The following FSTL4 variants were observed in gnomAD, a reference collection of about 807,000 sequenced individuals.
FSTL4 encodes follistatin like 4.
Under a neutral mutation model 78.2 loss-of-function variants are expected in FSTL4, and 28 were observed. The ratio of observed to expected loss-of-function variants is 0.36; its 90% CI spans 0.27 to 0.49. The LOEUF is 0.49. Ranked by LOEUF, FSTL4 falls within the 20% of genes least tolerant of loss-of-function variation. FSTL4 has a pLI of 0.98. For missense variants in FSTL4, 922 were observed against 1,084.9 expected, an observed-to-expected ratio of 0.85 and a Z score of 2.11; for synonymous variants, 422 against 440.5, an observed-to-expected ratio of 0.96 and a Z score of 0.53.
At chr5:133,630,124 A>G in the FSTL4 span, among the ~76,000 whole-genome samples, 3 of 152,270 alleles carry the variant, frequency 2.0e-5, no homozygotes, top group African/African-American at 4.8e-5. Context: ...TCTATTCAAC[A>G]TAGTATCGGA....
chr5:133,751,435 A>G, the FSTL4 span, among the ~76,000 whole-genome samples: 509 of 152,324 alleles, frequency 3.3e-3, 5 homozygotes, highest in African/African-American at 0.011. Flanking sequence ...GGAAGTAAGA[A>G]CTGTTTCTTT....
the FSTL4 span, among the ~76,000 whole-genome samples, chr5:133,740,104 A>C: frequency 6.6e-6 from 1 of 152,128 alleles, no homozygotes; most frequent in Admixed American, 6.5e-5. Context: ...GCTGGTCTCA[A>C]GAGTCGTGCA....
intron 3 of FSTL4, among the ~76,000 whole-genome samples, chr5:133,457,572 G>T (rs1757516770): frequency 6.6e-6 from 1 of 152,238 alleles, no homozygotes; most frequent in African/African-American, 2.4e-5. Flanking sequence ...GGATGCGAGT[G>T]AGCTGTGAAG....
rs112092283 is a variant in FSTL4 at position 133,392,945 on chromosome 5, C to T, written c.409+7793G>A. 6.4e-4 allele frequency among the ~76,000 whole-genome samples: 97 copies of T among 152,330 alleles called. 1 individual carries two copies. The highest frequency in any genetic ancestry group is 2.2e-3 in the African/African-American group (91 of 41,574). ...CAAAGTACAGCAGTTCTGTGGAGCA[C>T]ACCACACATGCCGAACTGATAATAT... On this transcript the variant is annotated intron_variant, in intron 4 of 15. Transcript: ENST00000265342.
intron 3 of FSTL4, among the ~76,000 whole-genome samples, chr5:133,503,747 T>G (rs1014643472): frequency 6.6e-6 from 1 of 152,232 alleles, no homozygotes; most frequent in Non-Finnish European, 1.5e-5. Context: ...CAACAGCCTA[T>G]GTGCTCTCTC....
chr5:133,498,975 C>T (rs1436777090), intron 3 of FSTL4, among the ~76,000 whole-genome samples: 1 of 150,276 alleles, frequency 6.7e-6, no homozygotes, highest in Non-Finnish European at 1.5e-5. Context: ...CCAAAGGCCA[C>T]CATGTTTTCA....
intron 2 of FSTL4, among the ~76,000 whole-genome samples, chr5:133,592,517 A>C (rs147825333): frequency 1.3e-5 from 2 of 152,180 alleles, no homozygotes; most frequent in African/African-American, 4.8e-5. Context: ...GTTCCTAAGA[A>C]TTACTGGACA....
the FSTL4 span, among the ~76,000 whole-genome samples, chr5:133,770,279 T>C: frequency 6.6e-6 from 1 of 152,326 alleles, no homozygotes; most frequent in South Asian, 2.1e-4. Flanking sequence ...TAGTTCTATT[T>C]TTAGTTCTTT....
At chr5:133,401,455 TA>T (rs1195706405) in intron 3 of FSTL4, among the ~76,000 whole-genome samples, 1 of 152,188 alleles carries the variant, frequency 6.6e-6, no homozygotes, top group Non-Finnish European at 1.5e-5. Flanking sequence ...AATGACTTTT[TA>T]AAAAAGTGGT....
At chr5:133,513,793 A>G (rs1321080656) in intron 3 of FSTL4, among the ~76,000 whole-genome samples, 1 of 152,120 alleles carries the variant, frequency 6.6e-6, no homozygotes, top group Non-Finnish European at 1.5e-5. Flanking sequence ...TGCGACAAAC[A>G]GAACATTATC....
At chr5:133,393,249 G>A (rs1382584272) in intron 4 of FSTL4, among the ~76,000 whole-genome samples, 1 of 152,154 alleles carries the variant, frequency 6.6e-6, no homozygotes, top group Non-Finnish European at 1.5e-5. Flanking sequence ...AAAGATTCCC[G>A]TTTGTCCTTG....
chr5:133,765,004 G>A, the FSTL4 span, among the ~76,000 whole-genome samples: 1 of 152,240 alleles, frequency 6.6e-6, no homozygotes, highest in Admixed American at 6.5e-5. Context: ...AATATGCTGC[G>A]CTTTATGCCG....
rs752716350 is a variant in FSTL4, at chr5:133,236,990, G to A, written c.895-3453C>T. Among the ~76,000 whole-genome samples the A allele has an allele frequency of 2.0e-5, 3 of 152,324 alleles. No homozygotes were observed. The highest frequency in any genetic ancestry group is 1.9e-4 in the East Asian group (1 of 5,182). ...GCCTGTCACAGTCCTGGTGCACAGTGGGCCCTCAAAAAATAGCTGTCGAGG... is the reference window on the plus strand; with the variant it reads ...GCCTGTCACAGTCCTGGTGCACAGTAGGCCCTCAAAAAATAGCTGTCGAGG... On this transcript the variant is annotated intron_variant, in intron 7 of 15. Transcript: ENST00000265342. This position sits in a 1 kb window ranked among gnomAD's most constrained non-coding sequence, Gnocchi z 5.0.
At chr5:133,218,826 T>C (rs996230671) in intron 12 of FSTL4, among the ~76,000 whole-genome samples, 2 of 152,240 alleles carry the variant, frequency 1.3e-5, no homozygotes, top group African/African-American at 4.8e-5. Flanking sequence ...CACTTGACTT[T>C]CTGCATTCAT....
At chr5:133,657,236 G>T in the FSTL4 span, among the ~76,000 whole-genome samples, 1 of 152,212 alleles carries the variant, frequency 6.6e-6, no homozygotes. Context: ...ACACAGGGCA[G>T]TCTGTAGCAC....
Position 133,208,674 on chromosome 5 carries a change from A to G in FSTL4, c.1716+1517T>C, listed in dbSNP as rs1277280238. 7.9e-5 allele frequency among the ~76,000 whole-genome samples: 12 copies of G among 151,724 alleles called. No individual in the cohort carries two copies. In the East Asian group the frequency reaches 2.1e-3, roughly 27 times the overall value. ...TTTTGGGTCTCAGTAGAAACCATGC[A>G]TTTTTCTTTTTTTGTTTTTTGAGAC... On this transcript the variant is annotated intron_variant, in intron 14 of 15. Transcript: ENST00000265342.
intron 4 of FSTL4, 99 bp downstream of exon 4, chr5:133,400,639 T>C (rs1756198307): frequency 1.8e-6 from 2 of 1,093,428 alleles, no homozygotes; most frequent in Non-Finnish European, 2.7e-6. Flanking sequence ...TTCCTAAACA[T>C]ATGTAACTTG....
chr5:133,404,075 G>A (rs1756299013), intron 3 of FSTL4, among the ~76,000 whole-genome samples: 1 of 152,198 alleles, frequency 6.6e-6, no homozygotes, highest in African/African-American at 2.4e-5. Flanking sequence ...ATGGAAATTG[G>A]CTGTCGGCAA....
intron 3 of FSTL4, among the ~76,000 whole-genome samples, chr5:133,542,683 A>AT (rs911054673): frequency 2.6e-5 from 4 of 151,582 alleles, no homozygotes; most frequent in South Asian, 2.1e-4. Flanking sequence ...GTTTGGACAA[A>AT]TTTTTTTTTC....
Sources: gnomAD v4.1 joint callset for allele counts (sites outside exome capture counted in the v4.1 genomes callset) on GRCh38, gnomAD v4.1.1 for gene constraint, Gnocchi (gnomAD v3.1) non-coding constraint, MANE v1.5 for transcripts, NCBI Gene and HGNC (gene_info 2026-07-23, HGNC 2026-07-21) for gene names.